FAM120B: variants seen among roughly 807,000 people sequenced by gnomAD.
FAM120B encodes the protein constitutive coactivator of peroxisome proliferator-activated receptor gamma.
A neutral mutation model predicts 96.3 loss-of-function variants in FAM120B; 83 were observed. The ratio of observed to expected loss-of-function variants is 0.86; its 90% confidence interval spans 0.72 to 1.03. The LOEUF is 1.03. Ranked by LOEUF, FAM120B falls within the 50% of genes least tolerant of loss-of-function variation. The pLI, the probability that FAM120B is intolerant of heterozygous loss-of-function variation, is 0.00. For synonymous variants in FAM120B, 407 were observed against 402.7 expected (o/e 1.01, Z -0.13); for missense variants, 1,027 against 1,121.2 (o/e 0.92, Z 1.20).
At chr6:170,357,196 G>A (rs535829772) in intron 5 of FAM120B, among the ~76,000 whole-genome samples, 1 of 152,294 alleles carries the variant, frequency 6.6e-6, no homozygotes, top group East Asian at 1.9e-4. Context: ...GCTCTTCTGA[G>A]AGAAGCAGCT....
rs188772227 is a variant in FAM120B, at chr6:170,405,173, G to C, written c.*422G>C. On this transcript the variant is annotated 3_prime_UTR_variant, in exon 11 of 11. Coordinates refer to ENST00000476287, the MANE Select transcript of FAM120B (RefSeq NM_032448.3). ...TATACAGTAGTCCTCCCTTATCTGCGGGGGAGACATCCCAAGACCCTCAGT... is the reference window on the plus strand; with the variant it reads ...TATACAGTAGTCCTCCCTTATCTGCCGGGGAGACATCCCAAGACCCTCAGT... The C allele has an allele frequency of 6.5e-6, 1 of 152,974 alleles. No homozygotes were observed. The highest frequency in any genetic ancestry group is 2.4e-5 in the African/African-American group (1 of 41,408). 9.5% of individuals were successfully genotyped at this position (152,974 alleles called of 1,614,324 possible).
chr6:170,347,003 GC>G (rs1428182749), intron 4 of FAM120B, among the ~76,000 whole-genome samples: 1 of 152,092 alleles, frequency 6.6e-6, no homozygotes, highest in Non-Finnish European at 1.5e-5. Flanking sequence ...TAATGAAAAA[GC>G]TTTTCAGGTG....
upstream of FAM120B, among the ~76,000 whole-genome samples, chr6:170,301,912 G>A (rs917529628): frequency 2.3e-4 from 35 of 152,134 alleles, no homozygotes; most frequent in Non-Finnish European, 7.4e-5. Flanking sequence ...AGCCCTCCAA[G>A]TCTCTAGGAG....
At chr6:170,380,827 G>C (rs1486643883) in intron 6 of FAM120B, among the ~76,000 whole-genome samples, 1 of 152,082 alleles carries the variant, frequency 6.6e-6, no homozygotes, top group Non-Finnish European at 1.5e-5. Context: ...TGGTCACTTT[G>C]CTGTTCAGCT....
upstream of FAM120B, among the ~76,000 whole-genome samples, chr6:170,294,218 CCTCACCTTG>C (rs1287900693): frequency 6.6e-6 from 1 of 152,198 alleles, no homozygotes; most frequent in Non-Finnish European, 1.5e-5. The surrounding 1 kb of genome is among the most constrained non-coding windows in gnomAD (Gnocchi z 7.9). Context: ...CACTATAAAT[CCTCACCTTG>C]CTCATTAGGA....
intron 7 of FAM120B, 40 bp from the exon 8 acceptor site, chr6:170,390,973 C>G (rs1463662740): frequency 8.4e-6 from 13 of 1,551,390 alleles, no homozygotes; most frequent in Non-Finnish European, 1.2e-5. Context: ...TTTGCCACAT[C>G]TGGCCCCTCA....
chr6:170,348,149 A>G lies in FAM120B; in HGVS notation c.2018-2A>G. The G allele has an allele frequency of 6.2e-7, 1 of 1,610,280 alleles. No individual in the cohort carries two copies. Among genetic ancestry groups the G allele is most frequent in the East Asian group, 2.2e-5 (1 of 44,828 alleles). The stretch of plus-strand genomic sequence containing the variant: ...AGTTAATGGACTTTTTTTCTTAACT[A>G]GGGGGAACGCCTAGTTTGAAAATAT... On this transcript the variant is annotated splice_acceptor_variant, in intron 4 of 10. Coordinates refer to ENST00000476287, the MANE Select transcript of FAM120B (RefSeq NM_032448.3). LOFTEE classifies it high-confidence loss of function.
At chr6:170,310,334 G>A (rs1337129360) in intron 1 of FAM120B, among the ~76,000 whole-genome samples, 5 of 152,212 alleles carry the variant, frequency 3.3e-5, no homozygotes, top group Non-Finnish European at 5.9e-5. Context: ...AGAGCCCACC[G>A]ATAGGCTGGT....
chr6:170,318,209 A>C lies in FAM120B; in HGVS notation c.819A>C (p.Lys273Asn), dbSNP rs1480413905. 1 of 1,613,906 alleles carries C rather than the reference A, an allele frequency of 6.2e-7. No homozygotes were observed. Among genetic ancestry groups the C allele is most frequent in the Admixed American group, 1.7e-5 (1 of 59,956 alleles). ...TAGCTGTGTCAGACCATATATCGAA[A>C]GTTCTTTACTTGTATCAAGGTGAGA... ...IILAVSDHIS[K>N]VLYLYQGEKK... Residue 273 changes from lysine to asparagine, a missense_variant, in exon 2 of 11, where the codon AAA (lysine) becomes AAC (asparagine). Physicochemically the swap from Lys to Asn is moderately conservative, Grantham distance 94 (BLOSUM62 0). Around this residue, in one of 3 missense-constraint regions of FAM120B, gnomAD observed 880 missense variants for 980.9 expected, o/e 0.90. Transcript: ENST00000476287.
chr6:170,291,087 A>C (rs922756753), upstream of FAM120B: 1 of 698,668 alleles, frequency 1.4e-6, no homozygotes, highest in African/African-American at 1.8e-5. Context: ...GTGAGCTGTA[A>C]AATGTGCAAC....
chr6:170,336,724 G>T (rs1478388640), intron 4 of FAM120B, among the ~76,000 whole-genome samples: 1 of 152,094 alleles, frequency 6.6e-6, no homozygotes, highest in Non-Finnish European at 1.5e-5. Context: ...GTGGTTTGTA[G>T]TTCTCCTTGA....
intron 1 of FAM120B, chr6:170,298,520 T>TC (rs200586874): frequency 9.5e-6 from 1 of 105,500 alleles, no homozygotes; most frequent in South Asian, 3.0e-4. Context: ...AATATTTTCT[T>TC]TTTTTTTTTT....
upstream of FAM120B, among the ~76,000 whole-genome samples, chr6:170,291,705 G>A (rs1420567003): frequency 2.0e-5 from 3 of 152,178 alleles, no homozygotes; most frequent in Non-Finnish European, 2.9e-5. Context: ...ACGCGCGGGC[G>A]GGGCCGGGAC....
chr6:170,361,855 G>A (rs879524243), intron 6 of FAM120B, among the ~76,000 whole-genome samples: 1 of 152,074 alleles, frequency 6.6e-6, no homozygotes, highest in Non-Finnish European at 1.5e-5. Flanking sequence ...GTGCAGTGAC[G>A]TGATCTCAGC....
intron 6 of FAM120B, among the ~76,000 whole-genome samples, chr6:170,376,424 T>C (rs553615194): frequency 1.3e-4 from 20 of 151,380 alleles, no homozygotes; most frequent in South Asian, 4.2e-4. Context: ...AACACCTTCA[T>C]TGAAGGACCA....
rs1026469876 is a variant in FAM120B at position 170,406,464 on chromosome 6, G to A, written c.*1713G>A. On this transcript the variant is annotated 3_prime_UTR_variant, in exon 11 of 11. Coordinates refer to ENST00000476287, the MANE Select transcript of FAM120B (RefSeq NM_032448.3). ...ACGGGCCAAAGGCACAGAGCTCCAA[G>A]GCATCATCTTTCCTTAAAATCCTGA... The A allele has an allele frequency of 1.2e-4, 18 of 152,198 alleles. No homozygotes were observed. Among genetic ancestry groups the A allele is most frequent in the African/African-American group, 4.3e-4 (18 of 41,448 alleles). The allele number at this position is 152,198 out of a possible 1,614,324, so 9.4% of individuals were successfully genotyped here.
intron 6 of FAM120B, among the ~76,000 whole-genome samples, chr6:170,381,598 C>G (rs1789903871): frequency 6.6e-6 from 1 of 151,996 alleles, no homozygotes; most frequent in African/African-American, 2.4e-5. Context: ...GGCCATTATC[C>G]CTTTTGAATG....
At chr6:170,399,226 G>A (rs1171005491) in intron 9 of FAM120B, among the ~76,000 whole-genome samples, 1 of 147,068 alleles carries the variant, frequency 6.8e-6, no homozygotes, top group African/African-American at 2.6e-5. Context: ...GTAGAACTAT[G>A]TCATAACTCT....
intron 4 of FAM120B, among the ~76,000 whole-genome samples, chr6:170,335,196 G>A (rs866502535): frequency 4.0e-5 from 6 of 151,430 alleles, no homozygotes; most frequent in Admixed American, 4.0e-4. Context: ...TCCTAATGCT[G>A]CCCCTCCCCT....
Sources: allele counts gnomAD v4.1 joint callset (sites outside exome capture counted in the v4.1 genomes callset), GRCh38; gene constraint gnomAD v4.1.1; regional missense constraint gnomAD v4.1.1; non-coding constraint Gnocchi (gnomAD v3.1); transcripts MANE v1.5; gene names NCBI Gene and HGNC (gene_info 2026-07-23, HGNC 2026-07-21).